Variants in SELENOF observed in about 807,000 individuals in gnomAD.
SELENOF encodes 15 kDa selenoprotein.
In SELENOF, 16 loss-of-function variants were observed where a neutral mutation model predicts 20.5. That is an observed-to-expected ratio of 0.78 (90% confidence interval 0.53 to 1.19). The LOEUF (loss-of-function observed/expected upper bound fraction) is 1.19, where lower values mean the gene tolerates loss of function less well. SELENOF is among the 50% of genes most tolerant of loss of function. The probability of loss-of-function intolerance (pLI) is 0.00; values close to 1 mark genes in which losing one functional copy is unlikely to be tolerated. For synonymous variants in SELENOF, 78 were observed against 74.5 expected, an observed-to-expected ratio of 1.05 and a Z score of -0.24; for missense variants, 215 against 194.2, an observed-to-expected ratio of 1.11 and a Z score of -0.64.
At chr1:86,887,087 T>C (rs1659239244) in intron 2 of SELENOF, 1 of 1,436,906 alleles carries the variant, frequency 7.0e-7, no homozygotes, top group Middle Eastern at 1.8e-4. Context: ...GATCTACTGG[T>C]GTTTTAAATT....
intron 2 of SELENOF, among the ~76,000 whole-genome samples, chr1:86,884,408 C>CAT (rs535693751): frequency 2.8e-4 from 42 of 151,370 alleles, no homozygotes; most frequent in Non-Finnish European, 4.3e-4. Flanking sequence ...CACGCACACA[C>CAT]ATATATATAT....
At chr1:86,879,013 C>T (rs1658993951) in intron 3 of SELENOF, among the ~76,000 whole-genome samples, 1 of 151,854 alleles carries the variant, frequency 6.6e-6, no homozygotes, top group South Asian at 2.1e-4. Flanking sequence ...GATATATATA[C>T]CCAAGGTTTG....
chr1:86,887,784 G>C (rs1447759606), intron 2 of SELENOF, among the ~76,000 whole-genome samples: 1 of 151,958 alleles, frequency 6.6e-6, no homozygotes, highest in Non-Finnish European at 1.5e-5. Context: ...TACATCCCCA[G>C]TCCCCACCCC....
rs146728536 is a variant in SELENOF at position 86,863,208 on chromosome 1, A to G, written c.*266T>C. 710 of 306,630 alleles carry G rather than the reference A, an allele frequency of 2.3e-3. No homozygotes were observed. Among genetic ancestry groups the G allele is most frequent in the Non-Finnish European group, 3.5e-3 (578 of 166,636 alleles). 19.0% of individuals were successfully genotyped at this position (306,630 alleles called of 1,614,324 possible). On this transcript the variant is annotated 3_prime_UTR_variant, in exon 5 of 5. Coordinates refer to ENST00000331835, the MANE Select transcript of SELENOF (RefSeq NM_004261.5). Reference sequence around the variant, plus strand: ...AATTATCACAAACTATCATTTGCATAATTAACCGCAAGTCTGTTACAAAGC... The same window carrying G: ...AATTATCACAAACTATCATTTGCATGATTAACCGCAAGTCTGTTACAAAGC...
Position 86,880,697 on chromosome 1 carries a change from C to T in SELENOF, c.281G>A (p.Cys94Tyr), listed in dbSNP as rs1192883507. 3 of 1,595,484 alleles carry T rather than the reference C, an allele frequency of 1.9e-6. No individual in the cohort carries two copies. Among genetic ancestry groups the T allele is most frequent in the African/African-American group, 1.3e-5 (1 of 74,502 alleles). ...KLYAGAILEV[C>Y]GUKLGRFPQV... Reference sequence around the variant, plus strand: ...AGGGAACCTTCCCAATTTTCATCCACAAACTTCAAGAATAGCTCCTGCATA... The same window carrying T: ...AGGGAACCTTCCCAATTTTCATCCATAAACTTCAAGAATAGCTCCTGCATA... The change falls in exon 3 of 5, where the codon TGT becomes TAT. Residue 94 changes from cysteine (C) to tyrosine (Y), a missense_variant. Cys to Tyr is a radical substitution (Grantham distance 194). Coordinates refer to ENST00000331835, the MANE Select transcript of SELENOF (RefSeq NM_004261.5).
intron 2 of SELENOF, among the ~76,000 whole-genome samples, chr1:86,887,498 G>A (rs1285870055): frequency 6.6e-6 from 1 of 152,070 alleles, no homozygotes; most frequent in African/African-American, 2.4e-5. Flanking sequence ...AGGCTCTACA[G>A]ATGCTAAGAA....
rs577608258 is a variant in SELENOF at position 86,885,872 on chromosome 1, T to C, written c.253-5147A>G. Among the ~76,000 whole-genome samples, 7 of 152,296 alleles carry C rather than the reference T, an allele frequency of 4.6e-5. No individual in the cohort carries two copies. In the South Asian group the frequency reaches 1.2e-3, roughly 27 times the overall value. On this transcript the variant is annotated intron_variant, in intron 2 of 4. Coordinates refer to ENST00000331835, the MANE Select transcript of SELENOF (RefSeq NM_004261.5). The stretch of plus-strand genomic sequence containing the variant: ...GGGTTATTTACTTCCAGAATTGCTA[T>C]AAGAAGTCACCAAAAAAAGTGAAAA...
intron 3 of SELENOF, among the ~76,000 whole-genome samples, chr1:86,877,848 G>A (rs1236953591): frequency 4.6e-5 from 7 of 152,070 alleles, no homozygotes; most frequent in South Asian, 2.1e-4. Flanking sequence ...AGCAGAGTTC[G>A]ATAGTTATGA....
At chr1:86,899,590 G>T (rs1336689520) in intron 2 of SELENOF, among the ~76,000 whole-genome samples, 1 of 150,972 alleles carries the variant, frequency 6.6e-6, no homozygotes. Context: ...CGGGCAGGGG[G>T]CTGACCCCCC....
chr1:86,914,170 G>C, upstream of SELENOF: 1 of 1,495,778 alleles, frequency 6.7e-7, no homozygotes, highest in Non-Finnish European at 9.3e-7. Context: ...CCACTCCAGA[G>C]CCTGATCCAA....
chr1:86,869,499 A>C (rs1263780217), intron 3 of SELENOF, among the ~76,000 whole-genome samples: 1 of 152,170 alleles, frequency 6.6e-6, no homozygotes, highest in Non-Finnish European at 1.5e-5. Flanking sequence ...AAAAAGCTCT[A>C]AACAAATCTT....
At chr1:86,900,218 T>A (rs1344993235) in intron 2 of SELENOF, among the ~76,000 whole-genome samples, 1 of 151,632 alleles carries the variant, frequency 6.6e-6, no homozygotes, top group Non-Finnish European at 1.5e-5. Context: ...TCTGGGCACT[T>A]TGGGAGGCCA....
In SELENOF at chr1:86,863,009, T is replaced by C. The variant is rs983655169; in HGVS notation, c.*465A>G. 6.5e-6 allele frequency: 1 copy of C among 152,862 alleles called. No individual in the cohort carries two copies. The highest frequency in any genetic ancestry group is 2.4e-5 in the African/African-American group (1 of 41,468). The allele number at this position is 152,862 out of a possible 1,614,324, so 9.5% of individuals were successfully genotyped here. A position where few individuals can be genotyped will look rare whatever the true frequency, so the allele number is the denominator to read the frequency against. On this transcript the variant is annotated 3_prime_UTR_variant, in exon 5 of 5. Transcript: ENST00000331835. ...TTGTATTAAAAAGAAAGCTGGGTAA[T>C]ACAAAAATAGGAGAGACTCTGAGGA... is the stretch of plus-strand genomic sequence containing the variant.
At chr1:86,872,760 G>T (rs1292031745) in intron 3 of SELENOF, among the ~76,000 whole-genome samples, 1 of 151,988 alleles carries the variant, frequency 6.6e-6, no homozygotes, top group Non-Finnish European at 1.5e-5. Flanking sequence ...AGCCAGGCAC[G>T]GGCCCGGCGT....
chr1:86,895,250 T>C (rs147847193), intron 2 of SELENOF, among the ~76,000 whole-genome samples: 76 of 152,358 alleles, frequency 5.0e-4, no homozygotes, highest in Non-Finnish European at 9.3e-4. Flanking sequence ...TGATAGTTTA[T>C]ATTTCATATC....
At chr1:86,913,614 C>T (rs1660048821) in intron 1 of SELENOF, among the ~76,000 whole-genome samples, 1 of 152,164 alleles carries the variant, frequency 6.6e-6, no homozygotes, top group African/African-American at 2.4e-5. Flanking sequence ...GAGAGGTAAA[C>T]ACAAACTGTT....
At chr1:86,888,515 C>A (rs1365690507) in intron 2 of SELENOF, among the ~76,000 whole-genome samples, 1 of 152,142 alleles carries the variant, frequency 6.6e-6, no homozygotes, top group South Asian at 2.1e-4. Flanking sequence ...ACAAAGTGAT[C>A]TTCCTGCCTT....
chr1:86,891,940 T>A (rs1250655128), intron 2 of SELENOF, among the ~76,000 whole-genome samples: 1 of 152,012 alleles, frequency 6.6e-6, no homozygotes, highest in African/African-American at 2.4e-5. Flanking sequence ...TAGTTTTTTT[T>A]TTTTTCTAGA....
Position 86,862,675 on chromosome 1 carries a change from C to A in SELENOF, c.*799G>T, listed in dbSNP as rs936311864. 1 of 152,130 alleles carries A rather than the reference C, an allele frequency of 6.6e-6. No individual in the cohort carries two copies. The highest frequency in any genetic ancestry group is 1.5e-5 in the Non-Finnish European group (1 of 68,006). The allele number at this position is 152,130 out of a possible 1,614,324, so 9.4% of individuals were successfully genotyped here. Reference sequence around the variant, plus strand: ...ATGAAAAAAATGCATTGAAAAACATCATTTTTAAACATGAAAGAACAAACC... The same window carrying A: ...ATGAAAAAAATGCATTGAAAAACATAATTTTTAAACATGAAAGAACAAACC... On this transcript the variant is annotated 3_prime_UTR_variant, in exon 5 of 5. Transcript: ENST00000331835.
Sources: allele counts gnomAD v4.1 joint callset (sites outside exome capture counted in the v4.1 genomes callset), GRCh38; gene constraint gnomAD v4.1.1; transcripts MANE v1.5; gene names NCBI Gene and HGNC (gene_info 2026-07-23, HGNC 2026-07-21).